The following MED13 variants were observed in gnomAD, a reference collection of about 807,000 sequenced individuals.
MED13 encodes mediator complex subunit 13.
Under a neutral mutation model 225.2 loss-of-function variants are expected in MED13, and 23 were observed. The ratio of observed to expected loss-of-function variants is 0.10; its 90% CI spans 0.07 to 0.14. The LOEUF (loss-of-function observed/expected upper bound fraction) is 0.14, where lower values mean the gene tolerates loss of function less well. Ranked by LOEUF, MED13 falls within the 10% of genes least tolerant of loss-of-function variation. The pLI is 1.00. For synonymous variants in MED13, 942 were observed against 889.2 expected (o/e 1.06, Z -1.06); for missense variants, 2,197 against 2,594.5 (o/e 0.85, Z 3.33).
At chr17:61,966,763 AAC>A (rs1236674423) in intron 18 of MED13, 112 bp from the exon 19 acceptor site, 9 of 637,926 alleles carry the variant, frequency 1.4e-5, no homozygotes, top group Non-Finnish European at 2.1e-5. Flanking sequence ...ATTTGCAATT[AAC>A]AGTTATGATA....
Position 62,010,678 on chromosome 17 carries a change from T to G in MED13, c.1839A>C (p.Ile613=). The change falls in exon 9 of 30, where the codon ATA becomes ATC. Residue 613 remains isoleucine, a synonymous_variant. Transcript: ENST00000397786. ...TTGGGAACTTGTAATACTTCCAGGC[T>G]ATATTGGCTTCATCTTCTTCCAAGT... ...AVNLEEDEAN[I]AWKYYKFPKK... The G allele has an allele frequency of 6.5e-7, 1 of 1,539,746 alleles. No individual in the cohort carries two copies. Among genetic ancestry groups the G allele is most frequent in the Non-Finnish European group, 8.7e-7 (1 of 1,143,318 alleles).
chr17:62,025,976 GTTA>G (rs886913215), intron 8 of MED13, among the ~76,000 whole-genome samples: 15 of 152,274 alleles, frequency 9.9e-5, no homozygotes, highest in African/African-American at 3.1e-4. Context: ...GAGAGAGTCT[GTTA>G]TTATATATTC....
chr17:62,063,404 A>G lies in MED13; in HGVS notation c.67-103T>C, dbSNP rs903597487. 1.3e-5 allele frequency: 10 copies of G among 761,526 alleles called. No homozygotes were observed. The Admixed American group carries it at 1.9e-4, about 15-fold the overall frequency. 47.2% of individuals were successfully genotyped at this position (761,526 alleles called of 1,614,324 possible). A position where few individuals can be genotyped will look rare whatever the true frequency, so the allele number is the denominator to read the frequency against. ...TTCATTAAGACATTACAATTTTTCA[A>G]TGTATGCTTGAGATATTGACTGCAA... On this transcript the variant is annotated intron_variant, in intron 1 of 29. Transcript: ENST00000397786.
chr17:62,018,239 G>A lies in MED13; in HGVS notation c.1284-7006C>T, dbSNP rs1301006381. On this transcript the variant is annotated intron_variant, in intron 8 of 29. Transcript: ENST00000397786. ...TGAAATATTTTGATACTCTGCATTG[G>A]CTGAATTCCACATCCTCAAATTCAA... is the stretch of plus-strand genomic sequence containing the variant. Among the ~76,000 whole-genome samples the A allele has an allele frequency of 2.0e-5, 3 of 152,036 alleles. 1 individual carries two copies. Among genetic ancestry groups the A allele is most frequent in the African/African-American group, 7.3e-5 (3 of 41,370 alleles).
rs534633543 is a variant in MED13 at position 61,951,172 on chromosome 17, A to T, written c.6118-174T>A. Among the ~76,000 whole-genome samples, 6 of 152,346 alleles carry T rather than the reference A, an allele frequency of 3.9e-5. No homozygotes were observed. The South Asian group carries it at 1.2e-3, about 32-fold the overall frequency. On this transcript the variant is annotated intron_variant, in intron 27 of 29. Transcript: ENST00000397786. ...CTATGTACTTAGGAGTATTATAAGTAAAAGCATTAATAGAACATATTTTAA... is the reference window on the plus strand; with the variant it reads ...CTATGTACTTAGGAGTATTATAAGTTAAAGCATTAATAGAACATATTTTAA...
intron 23 of MED13, among the ~76,000 whole-genome samples, chr17:61,960,183 C>T (rs1269260236): frequency 1.3e-5 from 2 of 152,070 alleles, no homozygotes; most frequent in Non-Finnish European, 2.9e-5. Flanking sequence ...CCTGTTGTGA[C>T]CTATTAGTTA....
chr17:62,025,031 C>T (rs192063225), intron 8 of MED13, among the ~76,000 whole-genome samples: 83 of 152,248 alleles, frequency 5.5e-4, no homozygotes, highest in Non-Finnish European at 1.0e-3. Context: ...GTTTTATATT[C>T]CTCTGGGTAT....
intron 28 of MED13, among the ~76,000 whole-genome samples, chr17:61,948,123 G>A (rs1168066236): frequency 6.6e-6 from 1 of 151,904 alleles, no homozygotes; most frequent in East Asian, 1.9e-4. Context: ...TGATAAAAAG[G>A]GATCTAGCTA....
intron 3 of MED13, among the ~76,000 whole-genome samples, chr17:62,049,726 T>C (rs2080938100): frequency 6.7e-6 from 1 of 150,202 alleles, no homozygotes; most frequent in Admixed American, 6.6e-5. Flanking sequence ...GGTCAGGAGA[T>C]CGAGACCATC....
Position 61,966,510 on chromosome 17 carries a change from C to T in MED13, c.4333G>A (p.Ala1445Thr). Residue 1445 changes from alanine to threonine, a missense_variant, in exon 19 of 30, where the codon GCA (alanine) becomes ACA (threonine). By Grantham distance (58) the Ala-to-Thr change is moderately conservative (BLOSUM62 0). Around this residue, in one of 12 missense-constraint regions of MED13, gnomAD observed 457 missense variants for 442.2 expected, o/e 1.03. Coordinates refer to ENST00000397786, the MANE Select transcript of MED13 (RefSeq NM_005121.3). The stretch of plus-strand genomic sequence containing the variant: ...GCATAAAGCTTGAGTTTAGAAAATG[C>T]TTCATTGTTACCGTCAGCTGCCTGA... ...FSQAADGNNE[A>T]FSKLKLYAQV... 3 of 1,613,732 alleles carry T rather than the reference C, an allele frequency of 1.9e-6. No individual in the cohort carries two copies. In the South Asian group the frequency reaches 3.3e-5, roughly 18 times the overall value.
intron 3 of MED13, among the ~76,000 whole-genome samples, chr17:62,049,017 C>T (rs908546462): frequency 6.8e-6 from 1 of 147,950 alleles, no homozygotes; most frequent in Non-Finnish European, 1.5e-5. Flanking sequence ...AAAAGTATCA[C>T]CATCCTTGCA....
chr17:62,026,633 A>C (rs758752617), intron 8 of MED13, among the ~76,000 whole-genome samples: 15 of 152,120 alleles, frequency 9.9e-5, no homozygotes, highest in Non-Finnish European at 1.9e-4. Context: ...AATAGGAAGA[A>C]AGGAAACAAA....
intron 4 of MED13, among the ~76,000 whole-genome samples, chr17:62,034,810 G>A (rs1044955577): frequency 1.3e-5 from 2 of 151,954 alleles, no homozygotes; most frequent in African/African-American, 4.8e-5. Flanking sequence ...AAGTCCCTTT[G>A]TAGCTATGTT....
At position 61,965,037 on chromosome 17, in the gene MED13, G is replaced by C. The variant is rs765473501; in HGVS notation, c.4813C>G (p.Pro1605Ala). The C allele has an allele frequency of 1.9e-6, 3 of 1,614,098 alleles. No homozygotes were observed. Among genetic ancestry groups the C allele is most frequent in the Non-Finnish European group, 2.5e-6 (3 of 1,179,972 alleles). Residue 1605 changes from proline to alanine, a missense_variant, in exon 20 of 30, where the codon CCC becomes GCC. Physicochemically the swap from Pro to Ala is conservative, Grantham distance 27. Around this residue, in one of 12 missense-constraint regions of MED13, gnomAD observed 457 missense variants for 442.2 expected, o/e 1.03. Coordinates refer to ENST00000397786, the MANE Select transcript of MED13 (RefSeq NM_005121.3). ...GACACATCAGGATGCGGCTGAGTGG[G>C]AAGTGAAGATGATTCTCCAGAAATC... ...AGISGESSSL[P>A]TQPHPDVSES... is the part of the protein sequence containing the mutation.
intron 3 of MED13, among the ~76,000 whole-genome samples, chr17:62,045,393 T>C (rs1365702385): frequency 6.6e-6 from 1 of 152,142 alleles, no homozygotes. Context: ...GTGGTTGGTG[T>C]GTGCCTGTAG....
At chr17:61,962,399 A>C (rs1004092607) in intron 21 of MED13, among the ~76,000 whole-genome samples, 1 of 152,180 alleles carries the variant, frequency 6.6e-6, no homozygotes, top group Non-Finnish European at 1.5e-5. Context: ...TCTTCTAACA[A>C]CTTAATATGG....
At position 61,954,083 on chromosome 17, in the gene MED13, G is replaced by A. The variant is rs141535098; in HGVS notation, c.5969-970C>T. On this transcript the variant is annotated intron_variant, in intron 26 of 29. Coordinates refer to ENST00000397786, the MANE Select transcript of MED13 (RefSeq NM_005121.3). ...CTCTTTCAAACTATCTTATTGTACT[G>A]TACCCATGGGCAACTGAAATCATGT... is the stretch of plus-strand genomic sequence containing the variant. Among the ~76,000 whole-genome samples, 210 of 152,278 alleles carry A rather than the reference G, an allele frequency of 1.4e-3. 3 individuals carry two copies. In the East Asian group the frequency reaches 0.021, roughly 15 times the overall value.
chr17:62,032,961 C>A (rs2080770629), intron 5 of MED13, among the ~76,000 whole-genome samples: 1 of 152,068 alleles, frequency 6.6e-6, no homozygotes, highest in African/African-American at 2.4e-5. Context: ...ACCAGCCTGG[C>A]CAACACGGCA....
chr17:62,057,317 G>A (rs995720751), intron 2 of MED13, among the ~76,000 whole-genome samples: 26 of 151,980 alleles, frequency 1.7e-4, no homozygotes, highest in African/African-American at 6.0e-4. Flanking sequence ...TAAGTTGGCC[G>A]CATCATTATC....
Sources: gnomAD v4.1 joint callset for allele counts (sites outside exome capture counted in the v4.1 genomes callset) on GRCh38, gnomAD v4.1.1 for gene constraint, gnomAD v4.1.1 regional missense constraint, MANE v1.5 for transcripts, NCBI Gene and HGNC (gene_info 2026-07-23, HGNC 2026-07-21) for gene names.